ANO3: variants seen among roughly 807,000 people sequenced by gnomAD.
The protein encoded by ANO3 is anoctamin 3.
In ANO3, 99 loss-of-function variants were observed where a neutral mutation model predicts 144.8. The ratio of observed to expected loss-of-function variants is 0.68; its 90% CI spans 0.58 to 0.81. The LOEUF (loss-of-function observed/expected upper bound fraction) is 0.81. ANO3 is among the 30% of genes least tolerant of loss of function. ANO3 has a pLI of 0.00. For missense variants in ANO3, 905 were observed against 1,202.2 expected (o/e 0.75, Z 3.66); for synonymous variants, 414 against 392.6 (o/e 1.05, Z -0.64).
chr11:26,532,120 T>C (rs901290303), intron 8 of ANO3, among the ~76,000 whole-genome samples: 1 of 152,098 alleles, frequency 6.6e-6, no homozygotes, highest in Non-Finnish European at 1.5e-5. Context: ...GTTGAAAGGG[T>C]GGATGAAACA....
intron 3 of ANO3, among the ~76,000 whole-genome samples, chr11:26,449,487 T>TCTCA (rs1305488645): frequency 1.4e-4 from 4 of 28,076 alleles, no homozygotes; most frequent in Non-Finnish European, 4.6e-4. Flanking sequence ...TCTCTCTCTC[T>TCTCA]CACACACACA....
intron 1 of ANO3, among the ~76,000 whole-genome samples, chr11:26,407,805 C>G (rs79765760): frequency 5.3e-5 from 8 of 151,742 alleles, no homozygotes; most frequent in African/African-American, 1.7e-4. Context: ...CCTCCATAGC[C>G]CCATCTTTGT....
At chr11:26,626,845 C>T (rs1338150355) in intron 18 of ANO3, among the ~76,000 whole-genome samples, 3 of 151,950 alleles carry the variant, frequency 2.0e-5, no homozygotes, top group African/African-American at 7.3e-5. Context: ...GAACCTCAAC[C>T]TTATCTTCCA....
chr11:26,344,115 T>G (rs1314012477), intron 1 of ANO3, among the ~76,000 whole-genome samples: 1 of 152,194 alleles, frequency 6.6e-6, no homozygotes, highest in Non-Finnish European at 1.5e-5. Flanking sequence ...ATAGCAGTAG[T>G]AATTTCTGAT....
chr11:26,609,527 G>A (rs966170305), intron 17 of ANO3, among the ~76,000 whole-genome samples: 3 of 151,958 alleles, frequency 2.0e-5, no homozygotes, highest in African/African-American at 7.3e-5. Context: ...ATCACATGCA[G>A]GATTCACATG....
At chr11:26,476,932 T>TGAGAGAGAGA (rs34338490) in intron 4 of ANO3, among the ~76,000 whole-genome samples, 1 of 133,956 alleles carries the variant, frequency 7.5e-6, no homozygotes, top group African/African-American at 2.9e-5. Flanking sequence ...TGTGTGTGTG[T>TGAGAGAGAGA]GAGAGAGAGA....
At chr11:26,349,234 C>T (rs532932139) in intron 1 of ANO3, among the ~76,000 whole-genome samples, 1 of 152,134 alleles carries the variant, frequency 6.6e-6, no homozygotes, top group Non-Finnish European at 1.5e-5. Flanking sequence ...ACCTTTAAGG[C>T]TGAGCTTTAA....
chr11:26,437,578 T>G (rs1235439666), intron 1 of ANO3, among the ~76,000 whole-genome samples: 1 of 152,228 alleles, frequency 6.6e-6, no homozygotes, highest in Non-Finnish European at 1.5e-5. Flanking sequence ...GGTACTTCAG[T>G]TGTAGGTGCT....
At position 26,252,983 on chromosome 11, in the gene ANO3, C is replaced by G. The variant is rs181303154; in HGVS notation, c.155-56662C>G. ...TGTTAAGTTTTAGGTAATTGAAAGC[C>G]AAATCACACAGGAAAATGATCCTGA... On this transcript the variant is annotated intron_variant, in intron 1 of 27. Transcript: ENST00000672621. Among the ~76,000 whole-genome samples, 836 of 152,160 alleles carry G rather than the reference C, an allele frequency of 5.5e-3. 5 individuals are homozygous for G. The highest frequency in any genetic ancestry group is 8.4e-3 in the Non-Finnish European group (574 of 68,002).
At chr11:26,518,126 C>T (rs990622516) in intron 6 of ANO3, among the ~76,000 whole-genome samples, 1 of 151,984 alleles carries the variant, frequency 6.6e-6, no homozygotes, top group African/African-American at 2.4e-5. Context: ...TCCAATTCCT[C>T]AGCACCTAAT....
intron 1 of ANO3, among the ~76,000 whole-genome samples, chr11:26,409,648 T>C (rs532944804): frequency 1.3e-5 from 2 of 152,144 alleles, no homozygotes; most frequent in African/African-American, 2.4e-5. Context: ...TCTGTCATAT[T>C]CATCAAAATA....
At chr11:26,324,868 C>T (rs564663930) in intron 1 of ANO3, among the ~76,000 whole-genome samples, 4 of 152,114 alleles carry the variant, frequency 2.6e-5, no homozygotes, top group Middle Eastern at 3.4e-3. Flanking sequence ...TGGGTGATCA[C>T]GTATTAAATA....
intron 1 of ANO3, among the ~76,000 whole-genome samples, chr11:26,248,491 G>T (rs1400634657): frequency 6.6e-6 from 1 of 152,118 alleles, no homozygotes; most frequent in African/African-American, 2.4e-5. Flanking sequence ...TTACTTGAAT[G>T]AATGACAGAA....
intron 17 of ANO3, among the ~76,000 whole-genome samples, chr11:26,619,698 C>G (rs1852359645): frequency 6.6e-6 from 1 of 152,082 alleles, no homozygotes; most frequent in African/African-American, 2.4e-5. Flanking sequence ...AACTCCTGAC[C>G]TCAAGAGATC....
At chr11:26,611,847 T>C (rs1852107520) in intron 17 of ANO3, among the ~76,000 whole-genome samples, 1 of 137,186 alleles carries the variant, frequency 7.3e-6, no homozygotes, top group African/African-American at 2.6e-5. Flanking sequence ...TGGATCCCTT[T>C]ATCATTATAT....
At chr11:26,375,531 A>G (rs572790255) in intron 1 of ANO3, among the ~76,000 whole-genome samples, 1 of 152,316 alleles carries the variant, frequency 6.6e-6, no homozygotes, top group Admixed American at 6.5e-5. Flanking sequence ...TGAATCGGTG[A>G]GTTATTGTTG....
At chr11:26,483,402 G>A (rs566770700) in intron 4 of ANO3, among the ~76,000 whole-genome samples, 2 of 152,322 alleles carry the variant, frequency 1.3e-5, no homozygotes, top group African/African-American at 2.4e-5. Flanking sequence ...CTGGTAGGAT[G>A]TGATTGGATC....
At chr11:26,496,086 T>C (rs1348336897) in intron 4 of ANO3, among the ~76,000 whole-genome samples, 2 of 152,216 alleles carry the variant, frequency 1.3e-5, no homozygotes, top group Non-Finnish European at 2.9e-5. Context: ...ATTTCCCCTG[T>C]TTCAGAGATT....
In ANO3 at chr11:26,638,828, A is replaced by G. The variant is rs1395855217; in HGVS notation, c.2044-316A>G. 4.6e-5 allele frequency among the ~76,000 whole-genome samples: 7 copies of G among 152,312 alleles called. No homozygotes were observed. The South Asian group carries it at 1.4e-3, about 32-fold the overall frequency. On this transcript the variant is annotated intron_variant, in intron 20 of 26. Coordinates refer to ENST00000256737, the MANE Select transcript of ANO3 (RefSeq NM_031418.4). ...AACTATTTTCTATTACCTGATTGTT[A>G]ATGGATATATAATATTCCATAGCAT...
Sources: gnomAD v4.1 joint callset for allele counts (sites outside exome capture counted in the v4.1 genomes callset) on GRCh38, gnomAD v4.1.1 for gene constraint, MANE v1.5 for transcripts, NCBI Gene and HGNC (gene_info 2026-07-23, HGNC 2026-07-21) for gene names.